The following RMST variants were observed in gnomAD, a reference collection of about 807,000 sequenced individuals.
RMST encodes rhabdomyosarcoma 2 associated transcript.
At chr12:97,526,040 T>C (rs2136569802) in intron 10 of RMST, among the ~76,000 whole-genome samples, 1 of 152,110 alleles carries the variant, frequency 6.6e-6, no homozygotes, top group South Asian at 2.1e-4. Context: ...TGGGTCCATC[T>C]AGTTGCAGGA....
intron 5 of RMST, among the ~76,000 whole-genome samples, chr12:97,469,939 C>T (rs1873696226): frequency 6.6e-6 from 1 of 152,124 alleles, no homozygotes; most frequent in African/African-American, 2.4e-5. Flanking sequence ...CATTTGGCTT[C>T]AGTCCTTCTT....
chr12:97,534,525 A>G (rs1366617311), intron 11 of RMST, among the ~76,000 whole-genome samples: 8 of 151,768 alleles, frequency 5.3e-5, no homozygotes, highest in Non-Finnish European at 1.0e-4. Context: ...TCTTTTTATT[A>G]GAGAAAATCA....
chr12:97,500,507 A>G (rs1198511459), intron 10 of RMST, among the ~76,000 whole-genome samples: 2 of 152,224 alleles, frequency 1.3e-5, no homozygotes, highest in African/African-American at 2.4e-5. Context: ...TAGACACTGC[A>G]TAGGCACTGA....
At chr12:97,542,587 TAA>T (rs1380668016) in intron 11 of RMST, among the ~76,000 whole-genome samples, 1 of 151,880 alleles carries the variant, frequency 6.6e-6, no homozygotes, top group Non-Finnish European at 1.5e-5. Context: ...CTGTGCAATT[TAA>T]ATAGGACCAG....
chr12:97,496,662 C>T (rs1396324491), intron 10 of RMST, among the ~76,000 whole-genome samples: 1 of 152,148 alleles, frequency 6.6e-6, no homozygotes, highest in Non-Finnish European at 1.5e-5. Flanking sequence ...TGGCTTGTCA[C>T]TCTCTTGTGT....
chr12:97,534,706 C>T (rs537336537), intron 11 of RMST, among the ~76,000 whole-genome samples: 3 of 151,662 alleles, frequency 2.0e-5, no homozygotes, highest in South Asian at 2.1e-4. Flanking sequence ...TTCTATCAAT[C>T]GGTTTCCACC....
chr12:97,550,847 A>C (rs959049457), intron 11 of RMST, among the ~76,000 whole-genome samples: 1 of 152,138 alleles, frequency 6.6e-6, no homozygotes, highest in African/African-American at 2.4e-5. Context: ...TGGAATTGCA[A>C]ATTTATAGAG....
chr12:97,551,632 G>C (rs926108438), intron 11 of RMST, among the ~76,000 whole-genome samples: 1 of 151,986 alleles, frequency 6.6e-6, no homozygotes, highest in East Asian at 1.9e-4. Context: ...TTTCTTTTGG[G>C]GATAAGCCTT....
chr12:97,480,089 C>CTTTTTTTTTTTTTTTTT (rs369247317), intron 5 of RMST, among the ~76,000 whole-genome samples: 1 of 90,966 alleles, frequency 1.1e-5, no homozygotes, highest in African/African-American at 3.8e-5. Context: ...TTTCTTTTTT[C>CTTTTTTTTTTTTTTTTT]TTTTTTTTTC....
intron 5 of RMST, among the ~76,000 whole-genome samples, chr12:97,491,447 G>GA (rs1876801007): frequency 6.6e-6 from 1 of 152,114 alleles, no homozygotes; most frequent in Admixed American, 6.5e-5. Flanking sequence ...AAACAAGTCA[G>GA]AAAAATGTAA....
At chr12:97,481,338 G>A (rs1875251324) in intron 5 of RMST, among the ~76,000 whole-genome samples, 1 of 152,194 alleles carries the variant, frequency 6.6e-6, no homozygotes, top group Non-Finnish European at 1.5e-5. Flanking sequence ...TCACAAGAAT[G>A]TGTTTTCTGT....
chr12:97,519,420 TA>T (rs1880282977), intron 10 of RMST, among the ~76,000 whole-genome samples: 1 of 152,210 alleles, frequency 6.6e-6, no homozygotes, highest in African/African-American at 2.4e-5. Flanking sequence ...TTTTGGTGAC[TA>T]CAACAAAAGC....
intron 10 of RMST, among the ~76,000 whole-genome samples, chr12:97,518,438 C>T (rs983153349): frequency 6.6e-6 from 1 of 152,152 alleles, no homozygotes; most frequent in African/African-American, 2.4e-5. Context: ...CTTTAGTTCA[C>T]TTCTCCCAAA....
chr12:97,559,357 T>A (rs1883947863), intron 11 of RMST, among the ~76,000 whole-genome samples: 1 of 152,236 alleles, frequency 6.6e-6, no homozygotes, highest in African/African-American at 2.4e-5. Flanking sequence ...CAGCATTGGC[T>A]TTAAATCTGT....
At chr12:97,554,334 G>A (rs150019394) in intron 11 of RMST, among the ~76,000 whole-genome samples, 8 of 152,008 alleles carry the variant, frequency 5.3e-5, no homozygotes, top group East Asian at 1.9e-4. Flanking sequence ...ATTATTAATC[G>A]TATTAATGAT....
At chr12:97,503,008 T>G (rs1878260981) in intron 10 of RMST, among the ~76,000 whole-genome samples, 2 of 152,214 alleles carry the variant, frequency 1.3e-5, no homozygotes. Flanking sequence ...GTTATTTCTC[T>G]GCTTTTCCAT....
chr12:97,541,731 A>G (rs1882550632), intron 11 of RMST, among the ~76,000 whole-genome samples: 1 of 145,120 alleles, frequency 6.9e-6, no homozygotes, highest in Non-Finnish European at 1.5e-5. Context: ...AAAAAAAAAG[A>G]AAAAGAAAAA....
intron 10 of RMST, among the ~76,000 whole-genome samples, chr12:97,507,956 C>T (rs894747361): frequency 6.6e-6 from 1 of 151,990 alleles, no homozygotes; most frequent in Admixed American, 6.6e-5. Flanking sequence ...CCAGAGTAGC[C>T]CTATGGAAAC....
chr12:97,512,491 C>A (rs978913364), intron 10 of RMST, among the ~76,000 whole-genome samples: 1 of 152,114 alleles, frequency 6.6e-6, no homozygotes, highest in Non-Finnish European at 1.5e-5. Context: ...CTGATTGGTG[C>A]GTTTACAATC....
Sources: gnomAD v4.1 joint callset for allele counts (sites outside exome capture counted in the v4.1 genomes callset) on GRCh38, gnomAD v4.1.1 for gene constraint, MANE v1.5 for transcripts, NCBI Gene and HGNC (gene_info 2026-07-23, HGNC 2026-07-21) for gene names.